The following ANXA8 variants were observed in gnomAD, a reference collection of about 807,000 sequenced individuals.
ANXA8 encodes VAC-beta.
ANXA8 carries 9 observed loss-of-function variants against 26.8 expected under a neutral mutation model. The ratio of observed to expected loss-of-function variants is 0.34; its 90% confidence interval spans 0.20 to 0.59. The LOEUF is 0.59. Among genes scored for constraint, ANXA8 ranks in the 20% least tolerant of loss-of-function variants. The pLI, the probability that ANXA8 is intolerant of heterozygous loss-of-function variation, is 0.84. For synonymous variants in ANXA8, 39 were observed against 94.8 expected (o/e 0.41, Z 3.42); for missense variants, 83 against 238.5 (o/e 0.35, Z 4.29).
the ANXA8 span, among the ~76,000 whole-genome samples, chr10:47,679,655 A>C: frequency 6.6e-6 from 1 of 151,914 alleles, no homozygotes; most frequent in Non-Finnish European, 1.5e-5. Context: ...ACAGTGACTC[A>C]CACTTGTAAT....
chr10:47,694,377 C>T, the ANXA8 span, among the ~76,000 whole-genome samples: 4,913 of 146,564 alleles, frequency 0.034, 246 homozygotes, highest in African/African-American at 0.12. Context: ...TTGGGTAGTT[C>T]ATACTACCTA....
chr10:47,500,599 GTTT>G, the ANXA8 span, among the ~76,000 whole-genome samples: 96 of 101,512 alleles, frequency 9.5e-4, no homozygotes, highest in African/African-American at 3.3e-3. Context: ...ATACTCATGT[GTTT>G]TTTTTTTTCC....
At chr10:47,738,244 A>G in the ANXA8 span, among the ~76,000 whole-genome samples, 2 of 134,222 alleles carry the variant, frequency 1.5e-5, no homozygotes, top group East Asian at 2.2e-4. Flanking sequence ...AAACTTTTCT[A>G]ATGCAGGTGC....
chr10:47,937,039 C>G, the ANXA8 span, among the ~76,000 whole-genome samples: 1 of 150,002 alleles, frequency 6.7e-6, no homozygotes, highest in Admixed American at 6.7e-5. Flanking sequence ...CTGAGGAAGG[C>G]AGGCACCTTG....
chr10:47,950,976 A>G, the ANXA8 span, among the ~76,000 whole-genome samples: 1 of 150,704 alleles, frequency 6.6e-6, no homozygotes, highest in African/African-American at 2.5e-5. Context: ...ATAGCAGAAA[A>G]CAATGTAATA....
At chr10:47,469,885 C>G (rs1295491370) in intron 11 of ANXA8, among the ~76,000 whole-genome samples, 3 of 151,306 alleles carry the variant, frequency 2.0e-5, no homozygotes, top group Admixed American at 6.6e-5. Context: ...TTTTTTTTAA[C>G]TTTTTCCTTT....
the ANXA8 span, among the ~76,000 whole-genome samples, chr10:47,548,606 T>C: frequency 6.9e-6 from 1 of 143,954 alleles, no homozygotes; most frequent in African/African-American, 2.5e-5. Flanking sequence ...TGGCCTTTTT[T>C]TCTTTTTTTC....
the ANXA8 span, among the ~76,000 whole-genome samples, chr10:47,951,169 C>T: frequency 6.0e-5 from 9 of 149,224 alleles, no homozygotes; most frequent in African/African-American, 1.3e-4. Flanking sequence ...AGAAGCTTTA[C>T]GGCAACAAAT....
chr10:47,679,861 T>G, the ANXA8 span, among the ~76,000 whole-genome samples: 1 of 151,950 alleles, frequency 6.6e-6, no homozygotes, highest in Non-Finnish European at 1.5e-5. Flanking sequence ...GAGGCTGCAG[T>G]GAACTGTGTT....
At chr10:47,744,408 TGGTGGGGGGGGGGTTG>T in the ANXA8 span, among the ~76,000 whole-genome samples, 2 of 4,316 alleles carry the variant, frequency 4.6e-4, no homozygotes, top group Non-Finnish European at 1.0e-3. Flanking sequence ...GGAAGGCTCC[TGGTGGGGGGGGGGTTG>T]GGGGGGAGGG....
the ANXA8 span, among the ~76,000 whole-genome samples, chr10:47,949,703 G>A: frequency 6.7e-6 from 1 of 149,686 alleles, no homozygotes; most frequent in Non-Finnish European, 1.5e-5. Flanking sequence ...TTTGTAATGA[G>A]CTAATGATAC....
the ANXA8 span, among the ~76,000 whole-genome samples, chr10:47,744,106 AAGG>A: frequency 6.8e-6 from 1 of 148,068 alleles, no homozygotes; most frequent in South Asian, 2.2e-4. Flanking sequence ...AATGGAATGA[AAGG>A]AGAAGGGAGG....
chr10:47,488,481 G>A (rs1840084702), upstream of ANXA8, among the ~76,000 whole-genome samples: 1 of 150,546 alleles, frequency 6.6e-6, no homozygotes, highest in African/African-American at 2.5e-5. Context: ...GAAGGGCTAG[G>A]ATTACAGGCG....
At chr10:47,684,596 T>C in the ANXA8 span, among the ~76,000 whole-genome samples, 18 of 136,146 alleles carry the variant, frequency 1.3e-4, 1 homozygote, top group Non-Finnish European at 2.7e-4. Context: ...TTTTTTGAGA[T>C]TTTTTTTGAG....
the ANXA8 span, among the ~76,000 whole-genome samples, chr10:47,950,073 G>A: frequency 1.3e-5 from 2 of 148,826 alleles, no homozygotes; most frequent in Admixed American, 1.3e-4. Flanking sequence ...ATACCATGTA[G>A]CACCAATTAT....
At chr10:47,953,551 C>T in the ANXA8 span, among the ~76,000 whole-genome samples, 1 of 150,634 alleles carries the variant, frequency 6.6e-6, no homozygotes, top group African/African-American at 2.5e-5. Context: ...CTATACAAAC[C>T]AGAAATTTCC....
the ANXA8 span, among the ~76,000 whole-genome samples, chr10:47,952,310 G>T: frequency 6.6e-6 from 1 of 151,450 alleles, no homozygotes; most frequent in African/African-American, 2.4e-5. Flanking sequence ...CATAAGATTC[G>T]AAAGGAGGAG....
At chr10:47,556,019 C>T in the ANXA8 span, among the ~76,000 whole-genome samples, 13 of 151,906 alleles carry the variant, frequency 8.6e-5, no homozygotes, top group East Asian at 2.5e-3. Flanking sequence ...GTAGGATTTA[C>T]AGGATGGAGA....
At chr10:47,578,668 A>ATCCAC in the ANXA8 span, among the ~76,000 whole-genome samples, 1 of 105,630 alleles carries the variant, frequency 9.5e-6, no homozygotes, top group Non-Finnish European at 1.9e-5. Flanking sequence ...TCTTCATAGT[A>ATCCAC]TCCACTAAAA....
Sources: allele counts gnomAD v4.1 joint callset (sites outside exome capture counted in the v4.1 genomes callset), GRCh38; gene constraint gnomAD v4.1.1; transcripts MANE v1.5; gene names NCBI Gene and HGNC (gene_info 2026-07-23, HGNC 2026-07-21).